SHANK2: variants seen among roughly 807,000 people sequenced by gnomAD.
The protein encoded by SHANK2 is SH3 and multiple ankyrin repeat domains protein 2.
A neutral mutation model predicts 133.7 loss-of-function variants in SHANK2; 43 were observed. The ratio of observed to expected loss-of-function variants is 0.32; its 90% CI spans 0.25 to 0.41. The LOEUF (loss-of-function observed/expected upper bound fraction) is 0.41. Ranked by LOEUF, SHANK2 falls within the 10% of genes least tolerant of loss-of-function variation. SHANK2 has a pLI of 1.00. For synonymous variants in SHANK2, 1,017 were observed against 952.8 expected (o/e 1.07, Z -1.24); for missense variants, 1,994 against 2,235.8 (o/e 0.89, Z 2.18).
intron 11 of SHANK2, chr11:70,862,816 G>A (rs1424406496): frequency 3.3e-5 from 9 of 276,568 alleles, no homozygotes; most frequent in South Asian, 2.6e-4. Context: ...ATTCCCCCAC[G>A]GGAGTAGTCA....
intron 6 of SHANK2, among the ~76,000 whole-genome samples, chr11:71,104,104 T>A (rs1951766683): frequency 2.6e-5 from 4 of 151,948 alleles, no homozygotes. Flanking sequence ...CAGCCTCAGG[T>A]ATGTCTTTAC....
In SHANK2 at chr11:71,084,440, G is replaced by A. The variant is rs997966909; in HGVS notation, c.912+7982C>T. On this transcript the variant is annotated intron_variant, in intron 8 of 25. Coordinates refer to ENST00000601538, the MANE Select transcript of SHANK2 (RefSeq NM_012309.5). ...CCTGAGACAATGATGGGAAAGCAGC[G>A]GCCTGGGGAACCCTGGAGTACACCT... is the stretch of plus-strand genomic sequence containing the variant. Among the ~76,000 whole-genome samples, 606 of 152,252 alleles carry A rather than the reference G, an allele frequency of 4.0e-3. 3 individuals carry two copies. The highest frequency in any genetic ancestry group is 0.014 in the African/African-American group (589 of 41,554).
At chr11:71,211,037 G>C (rs986531762) in intron 2 of SHANK2, among the ~76,000 whole-genome samples, 37 of 152,068 alleles carry the variant, frequency 2.4e-4, no homozygotes, top group African/African-American at 8.7e-4. Flanking sequence ...CTGTTTCAGG[G>C]GGGTCCCCCA....
chr11:70,574,683 T>C (rs1228017521), intron 17 of SHANK2, among the ~76,000 whole-genome samples: 1 of 152,160 alleles, frequency 6.6e-6, no homozygotes, highest in East Asian at 1.9e-4. Flanking sequence ...GGGCTGGCTC[T>C]GATGGGATCC....
At chr11:70,617,983 T>C (rs1397615126) in intron 17 of SHANK2, among the ~76,000 whole-genome samples, 1 of 151,860 alleles carries the variant, frequency 6.6e-6, no homozygotes, top group Non-Finnish European at 1.5e-5. Context: ...AAACTTAAAG[T>C]ATAATAATAA....
chr11:70,719,450 A>G (rs1946028474), intron 14 of SHANK2, among the ~76,000 whole-genome samples: 1 of 152,072 alleles, frequency 6.6e-6, no homozygotes, highest in Non-Finnish European at 1.5e-5. Context: ...ATGAGGATGG[A>G]GCTGGGCTTC....
intron 14 of SHANK2, among the ~76,000 whole-genome samples, chr11:70,715,149 T>C (rs749221422): frequency 2.0e-5 from 3 of 152,166 alleles, no homozygotes; most frequent in African/African-American, 7.2e-5. Context: ...AGGTGAGTGG[T>C]GCCCTGTAGA....
chr11:70,530,604 C>T (rs544094123), intron 17 of SHANK2, among the ~76,000 whole-genome samples: 1 of 152,258 alleles, frequency 6.6e-6, no homozygotes, highest in Non-Finnish European at 1.5e-5. Flanking sequence ...GCCTTGAGGA[C>T]ATCATGCTCA....
Position 70,485,959 on chromosome 11 carries a change from G to C in SHANK2, c.4334C>G (p.Thr1445Ser), listed in dbSNP as rs184746813. The change falls in exon 25 of 26, where the codon ACC becomes AGC. Residue 1445 changes from threonine (T) to serine (S), a missense_variant. This residue lies in a region of SHANK2 where 797 missense variants were observed against 907.4 expected (regional missense o/e 0.88). Transcript: ENST00000601538. The surrounding 1 kb of genome is among the most constrained non-coding windows in gnomAD (Gnocchi z 5.8). ...SDLVKQKKSD[T>S]PQSPSLNSSQ... is the part of the protein sequence containing the mutation. ...GGAGTTCAACGAAGGGGACTGAGGG[G>C]TGTCGCTTTTCTTCTGCTTCACTAA... 1.2e-6 allele frequency: 2 copies of C among 1,614,144 alleles called. No homozygotes were observed. The highest frequency in any genetic ancestry group is 1.3e-5 in the African/African-American group (1 of 75,048).
intron 2 of SHANK2, among the ~76,000 whole-genome samples, chr11:71,187,180 T>A (rs1953691646): frequency 6.6e-6 from 1 of 152,210 alleles, no homozygotes; most frequent in South Asian, 2.1e-4. Context: ...ATGGGGTGGA[T>A]TTGGTCCCAA....
At chr11:71,064,245 C>A (rs1467647909) in intron 9 of SHANK2, among the ~76,000 whole-genome samples, 3 of 152,330 alleles carry the variant, frequency 2.0e-5, no homozygotes, top group African/African-American at 7.2e-5. Context: ...AGAAAACAAC[C>A]ACACAACGTC....
intron 4 of SHANK2, among the ~76,000 whole-genome samples, chr11:71,117,763 C>T (rs563371940): frequency 7.9e-5 from 12 of 152,214 alleles, no homozygotes; most frequent in Non-Finnish European, 1.5e-4. Flanking sequence ...CTCCCGACGT[C>T]GCCTAGTGCA....
intron 11 of SHANK2, among the ~76,000 whole-genome samples, chr11:70,847,372 G>C (rs1318107909): frequency 6.6e-6 from 1 of 152,178 alleles, no homozygotes; most frequent in South Asian, 2.1e-4. Context: ...GTGGTGACGG[G>C]GTTGGCAGCA....
chr11:71,239,419 A>G (rs529642981), intron 1 of SHANK2, among the ~76,000 whole-genome samples: 1 of 152,340 alleles, frequency 6.6e-6, no homozygotes, highest in East Asian at 1.9e-4. Flanking sequence ...CTACCTACAA[A>G]GATACAGGTC....
intron 2 of SHANK2, among the ~76,000 whole-genome samples, chr11:71,197,737 G>A (rs1018865149): frequency 2.0e-5 from 3 of 152,172 alleles, no homozygotes; most frequent in South Asian, 4.1e-4. Flanking sequence ...TGCAAGCTCC[G>A]CCTCCCAGGT....
intron 17 of SHANK2, among the ~76,000 whole-genome samples, chr11:70,559,271 C>T (rs929517030): frequency 4.6e-5 from 7 of 152,140 alleles, no homozygotes; most frequent in East Asian, 1.9e-4. Flanking sequence ...CCACCTGCCT[C>T]GGCCTCTCAA....
chr11:71,094,044 A>G (rs1354383139), intron 7 of SHANK2, among the ~76,000 whole-genome samples: 3 of 152,082 alleles, frequency 2.0e-5, no homozygotes, highest in African/African-American at 7.2e-5. Context: ...CGGACCCGCC[A>G]CAGGGTGCTG....
chr11:70,497,149 C>T, intron 21 of SHANK2: 3 of 414,544 alleles, frequency 7.2e-6, no homozygotes, highest in Admixed American at 2.6e-5. Flanking sequence ...TGGCTCCCCA[C>T]AGGGGTGTGG....
At chr11:71,236,747 G>A (rs1022056625) in intron 1 of SHANK2, among the ~76,000 whole-genome samples, 2 of 152,144 alleles carry the variant, frequency 1.3e-5, no homozygotes, top group Admixed American at 6.5e-5. Context: ...CTTTTTTGGA[G>A]ACAAACTGTA....
Sources: allele counts gnomAD v4.1 joint callset (sites outside exome capture counted in the v4.1 genomes callset), GRCh38; gene constraint gnomAD v4.1.1; regional missense constraint gnomAD v4.1.1; non-coding constraint Gnocchi (gnomAD v3.1); transcripts MANE v1.5; gene names NCBI Gene and HGNC (gene_info 2026-07-23, HGNC 2026-07-21).